The following MTREX variants were observed in gnomAD, a reference collection of about 807,000 sequenced individuals.
MTREX encodes Mtr4 exosome RNA helicase.
MTREX carries 76 observed loss-of-function variants against 135.4 expected under a neutral mutation model. The ratio of observed to expected loss-of-function variants is 0.56; its 90% confidence interval spans 0.47 to 0.68. The LOEUF (loss-of-function observed/expected upper bound fraction) is 0.68. Among genes scored for constraint, MTREX ranks in the 30% least tolerant of loss-of-function variants. The pLI is 0.00. For synonymous variants in MTREX, 404 were observed against 401.6 expected, an observed-to-expected ratio of 1.01 and a Z score of -0.07; for missense variants, 920 against 1,262.1, an observed-to-expected ratio of 0.73 and a Z score of 4.11.
rs186844350 is a variant in MTREX at position 55,380,619 on chromosome 5, A to G, written c.2052+1424A>G. Among the ~76,000 whole-genome samples, 6 of 152,320 alleles carry G rather than the reference A, an allele frequency of 3.9e-5. No individual in the cohort carries two copies. In the East Asian group the frequency reaches 1.2e-3, roughly 29 times the overall value. On this transcript the variant is annotated intron_variant, in intron 18 of 26. Transcript: ENST00000230640. ...ATGTTAACATGACTGGATTTCTGAG[A>G]TAAATCCCAGTTTGTCATGATATAT...
intron 19 of MTREX, among the ~76,000 whole-genome samples, chr5:55,392,169 G>A (rs898087136): frequency 6.6e-6 from 1 of 152,106 alleles, no homozygotes; most frequent in African/African-American, 2.4e-5. Flanking sequence ...AATTGTGTGT[G>A]GCCACCAAGG....
At chr5:55,332,241 C>T (rs1046493387) in intron 5 of MTREX, among the ~76,000 whole-genome samples, 3 of 152,100 alleles carry the variant, frequency 2.0e-5, no homozygotes, top group Non-Finnish European at 2.9e-5. Flanking sequence ...GGATGGTGCT[C>T]ATTAATGTGG....
intron 19 of MTREX, among the ~76,000 whole-genome samples, chr5:55,393,098 G>C (rs1750596028): frequency 6.6e-6 from 1 of 152,172 alleles, no homozygotes; most frequent in Admixed American, 6.6e-5. Context: ...GGTTTTCAGT[G>C]GGATTTGCTC....
chr5:55,423,131 AGT>A (rs991753931), intron 26 of MTREX, 149 bp downstream of exon 26: 6 of 622,584 alleles, frequency 9.6e-6, no homozygotes, highest in Non-Finnish European at 1.7e-5. Context: ...TATAAAATTT[AGT>A]GTGTTGGGGG....
intron 6 of MTREX, 88 bp downstream of exon 6, chr5:55,340,272 G>A (rs1749622989): frequency 1.9e-6 from 2 of 1,032,056 alleles, no homozygotes; most frequent in Admixed American, 5.8e-5. Context: ...TTTATTGGTT[G>A]CTCTACTTAG....
At chr5:55,373,176 T>G (rs1444572283) in intron 16 of MTREX, among the ~76,000 whole-genome samples, 2 of 151,334 alleles carry the variant, frequency 1.3e-5, no homozygotes, top group Non-Finnish European at 2.9e-5. Context: ...TTTTTTGACT[T>G]ACTTTGTCTT....
chr5:55,405,594 A>C lies in MTREX; in HGVS notation c.2645+6A>C. On this transcript the variant is annotated splice_donor_region_variant and intron_variant, in intron 22 of 26. Transcript: ENST00000230640. ...GTGGCTTGTGAGATAAGCAGGTAAA[A>C]TCTGGTTATTGTTCTAGAAAGTTCA... is the stretch of plus-strand genomic sequence containing the variant. The C allele has an allele frequency of 3.7e-6, 6 of 1,603,984 alleles. No individual in the cohort carries two copies. Among genetic ancestry groups the C allele is most frequent in the Non-Finnish European group, 5.1e-6 (6 of 1,174,774 alleles).
intron 26 of MTREX, chr5:55,424,469 C>CT: frequency 2.6e-6 from 1 of 384,304 alleles, no homozygotes; most frequent in Middle Eastern, 7.6e-4. Flanking sequence ...TTAAACAGTT[C>CT]TAGACACCTC....
At chr5:55,344,237 C>T (rs1016064764) in intron 8 of MTREX, among the ~76,000 whole-genome samples, 13 of 152,174 alleles carry the variant, frequency 8.5e-5, no homozygotes, top group East Asian at 5.8e-4. Flanking sequence ...AGCATCTTTC[C>T]GTAATTACAG....
chr5:55,315,994 ACTATTATGAACAC>A (rs1749192844), intron 1 of MTREX, among the ~76,000 whole-genome samples: 1 of 152,148 alleles, frequency 6.6e-6, no homozygotes, highest in Non-Finnish European at 1.5e-5. Flanking sequence ...ACCATCAGAA[ACTATTATGAACAC>A]CTCTACACAC....
At chr5:55,340,793 G>A (rs185461336) in intron 6 of MTREX, among the ~76,000 whole-genome samples, 191 of 152,226 alleles carry the variant, frequency 1.3e-3, no homozygotes, top group African/African-American at 4.2e-3. Context: ...GTGTTAGCCA[G>A]TATGGTCTCT....
intron 26 of MTREX, 106 bp from the exon 27 acceptor site, chr5:55,424,614 C>G: frequency 1.4e-6 from 1 of 734,936 alleles, no homozygotes; most frequent in Non-Finnish European, 2.4e-6. Context: ...AGGCTGCTCG[C>G]TTACCAGTTG....
intron 5 of MTREX, 99 bp downstream of exon 5, chr5:55,328,910 T>C: frequency 3.0e-6 from 2 of 663,080 alleles, no homozygotes; most frequent in Non-Finnish European, 5.2e-6. Flanking sequence ...TGGTTTTACT[T>C]GTCCCTTTTG....
At chr5:55,418,108 C>CCTGT (rs1189633263) in intron 25 of MTREX, among the ~76,000 whole-genome samples, 7 of 151,040 alleles carry the variant, frequency 4.6e-5, no homozygotes, top group Admixed American at 3.3e-4. Context: ...GTGGCAGGAG[C>CCTGT]CTGTAGTCCC....
At chr5:55,390,255 G>A (rs752703554) in intron 19 of MTREX, among the ~76,000 whole-genome samples, 7 of 151,890 alleles carry the variant, frequency 4.6e-5, no homozygotes, top group African/African-American at 9.7e-5. Context: ...GGTGTTCGCC[G>A]CCGTGCCCGG....
chr5:55,329,753 C>T (rs1220052345), intron 5 of MTREX, among the ~76,000 whole-genome samples: 1 of 152,112 alleles, frequency 6.6e-6, no homozygotes, highest in African/African-American at 2.4e-5. Flanking sequence ...ACCTTTGATA[C>T]TCTGTACATA....
chr5:55,345,060 A>T, intron 9 of MTREX, 34 bp from the exon 10 acceptor site: 1 of 1,224,812 alleles, frequency 8.2e-7, no homozygotes, highest in Middle Eastern at 1.9e-4. Context: ...ATTAAGTATT[A>T]GTGAAGTTAC....
At position 55,425,358 on chromosome 5, in the gene MTREX, T is replaced by TATA. The variant is rs1284237433; in HGVS notation, c.*589_*591dup. 6.4e-7 allele frequency: 1 copy of TATA among 1,560,036 alleles called. No homozygotes were observed. Among genetic ancestry groups the TATA allele is most frequent in the East Asian group, 2.2e-5 (1 of 44,526 alleles). ...GCCTACAGTGCAAAATATTTAATGG[T>TATA]ATAATTTAGATCAAGTTAAAAACTA... is the stretch of plus-strand genomic sequence containing the variant. On this transcript the variant is annotated 3_prime_UTR_variant, in exon 27 of 27. Transcript: ENST00000230640.
intron 5 of MTREX, among the ~76,000 whole-genome samples, chr5:55,339,413 T>A (rs1749607094): frequency 6.6e-6 from 1 of 152,210 alleles, no homozygotes; most frequent in South Asian, 2.1e-4. Flanking sequence ...GGGCAGGAGC[T>A]GAATCTTAAA....
Sources: gnomAD v4.1 joint callset for allele counts (sites outside exome capture counted in the v4.1 genomes callset) on GRCh38, gnomAD v4.1.1 for gene constraint, MANE v1.5 for transcripts, NCBI Gene and HGNC (gene_info 2026-07-23, HGNC 2026-07-21) for gene names.